SPOPL: variants seen among roughly 807,000 people sequenced by gnomAD.
SPOPL encodes the protein speckle-type POZ protein-like.
SPOPL carries 23 observed loss-of-function variants against 53.8 expected under a neutral mutation model. The ratio of observed to expected loss-of-function variants is 0.43; its 90% CI spans 0.31 to 0.61. The LOEUF (loss-of-function observed/expected upper bound fraction) is 0.61. SPOPL is among the 20% of genes least tolerant of loss of function. SPOPL has a pLI of 0.12. For missense variants in SPOPL, 442 were observed against 466.9 expected (o/e 0.95, Z 0.49); for synonymous variants, 164 against 149.7 (o/e 1.10, Z -0.70).
chr2:138,539,246 A>T (rs1246736234), intron 1 of SPOPL, among the ~76,000 whole-genome samples: 1 of 152,184 alleles, frequency 6.6e-6, no homozygotes, highest in Non-Finnish European at 1.5e-5. Flanking sequence ...ATGATTTATA[A>T]TCCTTTGGGT....
chr2:138,529,151 T>C (rs1004409800), intron 1 of SPOPL, among the ~76,000 whole-genome samples: 1 of 152,240 alleles, frequency 6.6e-6, no homozygotes, highest in Non-Finnish European at 1.5e-5. Flanking sequence ...AGAAAAATTA[T>C]GAGTTGAAAG....
At chr2:138,513,336 CT>C (rs1314838027) in intron 1 of SPOPL, among the ~76,000 whole-genome samples, 1 of 152,116 alleles carries the variant, frequency 6.6e-6, no homozygotes, top group African/African-American at 2.4e-5. Context: ...GGTGGATCAC[CT>C]GACGTAAGGA....
intron 10 of SPOPL, 63 bp from the exon 11 acceptor site, chr2:138,568,873 A>G: frequency 6.5e-7 from 1 of 1,533,642 alleles, no homozygotes; most frequent in Non-Finnish European, 8.9e-7. Flanking sequence ...TAAGAAATTA[A>G]CAGTGCAATA....
rs1685728288 is a variant in SPOPL, at chr2:138,569,156, A to G, written c.*76A>G. 11 of 1,482,056 alleles carry G rather than the reference A, an allele frequency of 7.4e-6. No homozygotes were observed. The highest frequency in any genetic ancestry group is 2.8e-6 in the Non-Finnish European group (3 of 1,087,276). The allele number at this position is 1,482,056 out of a possible 1,614,324, so 91.8% of individuals were successfully genotyped here. A position where few individuals can be genotyped will look rare whatever the true frequency, so the allele number is the denominator to read the frequency against. Reference sequence around the variant, plus strand: ...CCAGAAGGATTCTAATACACAAACCATAAGCAAGAGTTGTTTCTGTTATTT... The same window carrying G: ...CCAGAAGGATTCTAATACACAAACCGTAAGCAAGAGTTGTTTCTGTTATTT... On this transcript the variant is annotated 3_prime_UTR_variant, in exon 11 of 11. Transcript: ENST00000280098.
intron 1 of SPOPL, among the ~76,000 whole-genome samples, chr2:138,509,891 A>C (rs1684291955): frequency 6.6e-6 from 1 of 152,130 alleles, no homozygotes; most frequent in African/African-American, 2.4e-5. Context: ...AGCCCTAAAA[A>C]TCCTCTGACC....
At chr2:138,545,731 G>A (rs1006790079) in intron 1 of SPOPL, among the ~76,000 whole-genome samples, 2 of 152,042 alleles carry the variant, frequency 1.3e-5, no homozygotes, top group Non-Finnish European at 2.9e-5. Flanking sequence ...GAGCCACCGC[G>A]CCCGGCCAGC....
chr2:138,565,094 T>G, intron 10 of SPOPL, 101 bp downstream of exon 10: 1 of 1,416,446 alleles, frequency 7.1e-7, no homozygotes, highest in Non-Finnish European at 9.7e-7. Context: ...AATCCAAATG[T>G]TACATGAAGC....
At chr2:138,515,539 A>C (rs969337843) in intron 1 of SPOPL, among the ~76,000 whole-genome samples, 2 of 152,196 alleles carry the variant, frequency 1.3e-5, no homozygotes, top group Admixed American at 6.5e-5. Context: ...TAAATTTCAC[A>C]GAAGTGTTGC....
chr2:138,537,190 C>G (rs11688533), intron 1 of SPOPL, among the ~76,000 whole-genome samples: 31 of 151,918 alleles, frequency 2.0e-4, no homozygotes, highest in Non-Finnish European at 2.6e-4. Context: ...CCTCAGACAC[C>G]GAGTTGAGGA....
chr2:138,531,082 T>C (rs997554372), intron 1 of SPOPL, among the ~76,000 whole-genome samples: 7 of 152,096 alleles, frequency 4.6e-5, no homozygotes, highest in African/African-American at 1.7e-4. Context: ...TTTCTGTTAA[T>C]GGGCTAAATT....
intron 1 of SPOPL, among the ~76,000 whole-genome samples, chr2:138,542,725 G>A (rs1685101314): frequency 6.6e-6 from 1 of 152,120 alleles, no homozygotes; most frequent in Non-Finnish European, 1.5e-5. Context: ...GGAGCATTTA[G>A]CCCATTTACA....
At chr2:138,554,424 CCCTT>C in intron 5 of SPOPL, 1 of 1,214,534 alleles carries the variant, frequency 8.2e-7, no homozygotes, top group South Asian at 1.5e-5. Context: ...CTCACGGATG[CCCTT>C]CCTTCTACAG....
Position 138,552,757 on chromosome 2 carries a change from A to C in SPOPL, c.480+76A>C. 2.7e-6 allele frequency: 4 copies of C among 1,459,332 alleles called. No individual in the cohort carries two copies. The South Asian group carries it at 5.4e-5, about 20-fold the overall frequency. The allele number at this position is 1,459,332 out of a possible 1,614,324, so 90.4% of individuals were successfully genotyped here. A position where few individuals can be genotyped will look rare whatever the true frequency, so the allele number is the denominator to read the frequency against. On this transcript the variant is annotated intron_variant, in intron 5 of 10. Coordinates refer to ENST00000280098, the MANE Select transcript of SPOPL (RefSeq NM_001001664.3). ...CAAAAGTATAAACTGGATTAATAAC[A>C]CTTTAAAATTAAGTAATTGGTATAG... is the stretch of plus-strand genomic sequence containing the variant.
chr2:138,546,568 C>G (rs1455149944), intron 1 of SPOPL, among the ~76,000 whole-genome samples: 1 of 152,042 alleles, frequency 6.6e-6, no homozygotes, highest in Non-Finnish European at 1.5e-5. Context: ...TAAATTTGGA[C>G]AGTTATTATT....
At chr2:138,554,781 A>G (rs1205127972) in intron 5 of SPOPL, among the ~76,000 whole-genome samples, 1 of 152,230 alleles carries the variant, frequency 6.6e-6, no homozygotes, top group Non-Finnish European at 1.5e-5. Context: ...ATACCATTTC[A>G]TGATATACAG....
chr2:138,549,998 T>C (rs1321866034), intron 1 of SPOPL, among the ~76,000 whole-genome samples, 159 bp from the exon 2 acceptor site: 1 of 151,858 alleles, frequency 6.6e-6, no homozygotes, highest in East Asian at 1.9e-4. Context: ...TTACAAAAAC[T>C]TACTTCTTAA....
intron 1 of SPOPL, among the ~76,000 whole-genome samples, chr2:138,513,294 C>T (rs908942887): frequency 7.9e-5 from 12 of 152,302 alleles, no homozygotes; most frequent in South Asian, 2.1e-4. Context: ...TGGCCCACGC[C>T]GGTAATCCCA....
intron 1 of SPOPL, among the ~76,000 whole-genome samples, chr2:138,538,673 C>T (rs1684991497): frequency 6.6e-6 from 1 of 152,106 alleles, no homozygotes; most frequent in Non-Finnish European, 1.5e-5. Flanking sequence ...CCATTTGCAA[C>T]TCTGCCTTAG....
At chr2:138,530,922 A>AGTGAGTGTGTGT (rs1553469245) in intron 1 of SPOPL, among the ~76,000 whole-genome samples, 1 of 147,958 alleles carries the variant, frequency 6.8e-6, no homozygotes, top group Non-Finnish European at 1.5e-5. Flanking sequence ...CTGTAGAGTG[A>AGTGAGTGTGTGT]GTGTGTGTGT....
Sources: allele counts gnomAD v4.1 joint callset (sites outside exome capture counted in the v4.1 genomes callset), GRCh38; gene constraint gnomAD v4.1.1; transcripts MANE v1.5; gene names NCBI Gene and HGNC (gene_info 2026-07-23, HGNC 2026-07-21).